The following DMD variants were observed in gnomAD, a reference collection of about 807,000 sequenced individuals.
DMD encodes mutant dystrophin.
DMD carries 63 observed loss-of-function variants against 330.1 expected under a neutral mutation model. The observed-to-expected ratio is 0.19, with a 90% CI of 0.16 to 0.24. The LOEUF is 0.24. Among genes scored for constraint, DMD ranks in the 10% least tolerant of loss-of-function variants. The probability of loss-of-function intolerance (pLI) is 1.00; values close to 1 mark genes in which losing one functional copy is unlikely to be tolerated. For synonymous variants in DMD, 1,223 were observed against 959.8 expected (o/e 1.27, Z -5.07); for missense variants, 3,344 against 2,684.1 (o/e 1.25, Z -5.43).
rs758074155 is a variant in DMD, at chrX:31,658,180, T to G, written c.7873-36A>C. The G allele has an allele frequency of 7.8e-5, 94 of 1,198,143 alleles. 1 individual carries two copies. The East Asian group carries it at 2.8e-3, about 35-fold the overall frequency. Reference sequence around the variant, plus strand: ...TTATGAGAAAGAGAATGAATGTCAGTTTTTTTTATGAAATCTCTAGTTGGA... The same window carrying G: ...TTATGAGAAAGAGAATGAATGTCAGGTTTTTTTATGAAATCTCTAGTTGGA... On this transcript the variant is annotated intron_variant, in intron 53 of 78. Transcript: ENST00000357033.
chrX:32,714,705 C>T (rs919145818), intron 7 of DMD, among the ~76,000 whole-genome samples: 1 of 111,674 alleles, frequency 9.0e-6, no homozygotes, highest in Non-Finnish European at 1.9e-5. Context: ...TTCCTCATGT[C>T]TTTATTTATG....
intron 61 of DMD, among the ~76,000 whole-genome samples, chrX:31,331,935 G>T (rs769938223): frequency 7.1e-5 from 8 of 112,105 alleles, no homozygotes; most frequent in Non-Finnish European, 1.1e-4. Flanking sequence ...ATTAGAAAGC[G>T]AGAAGAGTGA....
At chrX:33,078,539 T>G (rs912370259) in intron 1 of DMD, among the ~76,000 whole-genome samples, 2 of 112,142 alleles carry the variant, frequency 1.8e-5, no homozygotes, top group Admixed American at 1.9e-4. Flanking sequence ...AGAAATAAGT[T>G]ATGTTGACTC....
At chrX:33,237,913 T>C (rs1206105752) in intron 1 of DMD, among the ~76,000 whole-genome samples, 1 of 112,235 alleles carries the variant, frequency 8.9e-6, no homozygotes, top group Non-Finnish European at 1.9e-5. Flanking sequence ...ATGGTATCTA[T>C]AATAAGCCTA....
chrX:31,456,955 A>T (rs1362583627), intron 59 of DMD, among the ~76,000 whole-genome samples: 6 of 107,602 alleles, frequency 5.6e-5, no homozygotes, highest in Non-Finnish European at 1.1e-4. Context: ...TAGCAGAGGT[A>T]CACAATTTAA....
intron 1 of DMD, among the ~76,000 whole-genome samples, chrX:33,323,730 A>C (rs1439469552): frequency 9.0e-6 from 1 of 111,705 alleles, no homozygotes; most frequent in Non-Finnish European, 1.9e-5. Flanking sequence ...TACGGCATCA[A>C]ATAATGGTAT....
In DMD at chrX:31,836,743, T is replaced by A. The variant is rs1386330562; in HGVS notation, c.7175A>T (p.Glu2392Val). Residue 2392 changes from glutamate to valine, a missense_variant, in exon 49 of 79, where the codon GAA (glutamate) becomes GTA (valine). By Grantham distance (121) the Glu-to-Val change is moderately radical (BLOSUM62 -2). Transcript: ENST00000357033. ...CTTCACTGGCTGAGTGGCTGGTTTT[T>A]CCTTGTACAAATGCTGCCCTTTAGA... Reference protein sequence around the residue: ...ILSKGQHLYKEKPATQPVKRK... With the variant: ...ILSKGQHLYKVKPATQPVKRK... The A allele has an allele frequency of 1.7e-6, 2 of 1,211,869 alleles. No individual in the cohort carries two copies. The highest frequency in any genetic ancestry group is 1.8e-5 in the South Asian group (1 of 57,035).
intron 44 of DMD, among the ~76,000 whole-genome samples, chrX:32,019,270 A>G (rs2095790415): frequency 9.0e-6 from 1 of 111,350 alleles, no homozygotes; most frequent in African/African-American, 3.3e-5. Flanking sequence ...GGCTCACTAG[A>G]TTACCATGTA....
chrX:32,521,600 T>C (rs1404381801), intron 17 of DMD, among the ~76,000 whole-genome samples: 1 of 112,472 alleles, frequency 8.9e-6, no homozygotes, highest in Non-Finnish European at 1.9e-5. Context: ...GCACTTGTTC[T>C]GAATTCCACA....
At chrX:32,914,775 T>C (rs766991722) in intron 2 of DMD, among the ~76,000 whole-genome samples, 1 of 112,421 alleles carries the variant, frequency 8.9e-6, no homozygotes, top group African/African-American at 3.2e-5. Context: ...ATGAGGAAAA[T>C]ATGAGTCCCA....
intron 1 of DMD, among the ~76,000 whole-genome samples, chrX:33,092,315 T>A (rs1322097923): frequency 8.9e-6 from 1 of 112,144 alleles, no homozygotes; most frequent in African/African-American, 3.2e-5. Context: ...ATATATCTGA[T>A]CATTATGTAT....
intron 44 of DMD, among the ~76,000 whole-genome samples, chrX:32,094,599 C>G (rs1462076420): frequency 3.6e-5 from 4 of 111,926 alleles, no homozygotes; most frequent in Non-Finnish European, 7.5e-5. Flanking sequence ...TTAAGAAATA[C>G]ACAATCTCCA....
intron 55 of DMD, among the ~76,000 whole-genome samples, chrX:31,590,305 G>A (rs2076808551): frequency 9.0e-6 from 1 of 111,218 alleles, no homozygotes; most frequent in African/African-American, 3.3e-5. Flanking sequence ...ATTCGTAGTT[G>A]TTTTCCAAAG....
At chrX:33,013,753 T>A (rs1371645570) in intron 2 of DMD, among the ~76,000 whole-genome samples, 1 of 112,707 alleles carries the variant, frequency 8.9e-6, no homozygotes, top group East Asian at 2.8e-4. Context: ...CCCAGTATCA[T>A]CCTTTTTTAA....
intron 17 of DMD, among the ~76,000 whole-genome samples, chrX:32,520,178 T>G (rs1603635383): frequency 8.9e-6 from 1 of 111,823 alleles, no homozygotes; most frequent in East Asian, 2.8e-4. Flanking sequence ...TTTCCTACAT[T>G]TTTTATCCAC....
intron 47 of DMD, among the ~76,000 whole-genome samples, chrX:31,922,711 T>C (rs2094711712): frequency 9.0e-6 from 1 of 111,682 alleles, no homozygotes; most frequent in Non-Finnish European, 1.9e-5. Flanking sequence ...TCTTCTTCTG[T>C]GTTGACGATT....
intron 7 of DMD, among the ~76,000 whole-genome samples, chrX:32,803,700 G>T (rs1337946421): frequency 8.9e-6 from 1 of 111,808 alleles, no homozygotes; most frequent in Non-Finnish European, 1.9e-5. Context: ...ATTTATTTCT[G>T]CCTTAATTTC....
chrX:32,655,987 A>G (rs1442976314), intron 9 of DMD, among the ~76,000 whole-genome samples: 1 of 111,178 alleles, frequency 9.0e-6, no homozygotes, highest in Non-Finnish European at 1.9e-5. Flanking sequence ...AAAAACATTA[A>G]TCTTAATTCC....
chrX:32,238,444 TGAGAGA>T (rs200601285), intron 43 of DMD, among the ~76,000 whole-genome samples: 2,295 of 98,955 alleles, frequency 0.023, 53 homozygotes, highest in African/African-American at 0.079. Context: ...AAGCAATGCA[TGAGAGA>T]GAGAGAGAGA....
Sources: gnomAD v4.1 joint callset for allele counts (sites outside exome capture counted in the v4.1 genomes callset) on GRCh38, gnomAD v4.1.1 for gene constraint, MANE v1.5 for transcripts, NCBI Gene and HGNC (gene_info 2026-07-23, HGNC 2026-07-21) for gene names.